PPARGC1A: variants seen among roughly 807,000 people sequenced by gnomAD.
The protein encoded by PPARGC1A is PPARG coactivator 1 alpha.
Under a neutral mutation model 88.7 loss-of-function variants are expected in PPARGC1A, and 25 were observed. The observed-to-expected ratio is 0.28, with a 90% confidence interval of 0.21 to 0.39. The LOEUF (loss-of-function observed/expected upper bound fraction) is 0.39, where lower values mean the gene tolerates loss of function less well. Ranked by LOEUF, PPARGC1A falls within the 10% of genes least tolerant of loss-of-function variation. The probability of loss-of-function intolerance (pLI) is 1.00; values close to 1 mark genes in which losing one functional copy is unlikely to be tolerated. For synonymous variants in PPARGC1A, 363 were observed against 355.6 expected (o/e 1.02, Z -0.24); for missense variants, 880 against 968.7 (o/e 0.91, Z 1.22).
chr4:23,845,692 T>C (rs542601135), intron 2 of PPARGC1A, among the ~76,000 whole-genome samples: 1 of 152,286 alleles, frequency 6.6e-6, no homozygotes, highest in South Asian at 2.1e-4. Context: ...TGACTAACTT[T>C]CGTATTCCAC....
the PPARGC1A span, among the ~76,000 whole-genome samples, chr4:24,100,537 G>A: frequency 6.6e-6 from 1 of 152,264 alleles, no homozygotes; most frequent in East Asian, 1.9e-4. Context: ...AACAGCTGAT[G>A]ACAAGTGCAT....
At chr4:23,831,927 C>T (rs1403341246) in intron 2 of PPARGC1A, among the ~76,000 whole-genome samples, 176 bp from the exon 3 acceptor site, 1 of 152,022 alleles carries the variant, frequency 6.6e-6, no homozygotes, top group Non-Finnish European at 1.5e-5. Context: ...CCAAATGACA[C>T]AATTAATGAA....
intron 2 of PPARGC1A, among the ~76,000 whole-genome samples, chr4:23,878,370 C>T (rs1208962912): frequency 2.7e-5 from 4 of 150,356 alleles, no homozygotes; most frequent in Admixed American, 6.6e-5. Flanking sequence ...AAAAAAGCAG[C>T]CAATTTCATC....
intron 2 of PPARGC1A, among the ~76,000 whole-genome samples, chr4:23,853,127 TAGA>T (rs1367018701): frequency 2.6e-5 from 4 of 152,294 alleles, no homozygotes; most frequent in East Asian, 1.9e-4. Flanking sequence ...TTTTCTATAT[TAGA>T]AGAAGGTTTT....
chr4:24,469,444 G>A, the PPARGC1A span, among the ~76,000 whole-genome samples: 2,581 of 152,196 alleles, frequency 0.017, 35 homozygotes, highest in Middle Eastern at 0.058. Context: ...TTAAAGCTTC[G>A]GTAGCATCTG....
At chr4:24,318,221 C>T in the PPARGC1A span, among the ~76,000 whole-genome samples, 1 of 152,194 alleles carries the variant, frequency 6.6e-6, no homozygotes, top group Admixed American at 6.5e-5. Flanking sequence ...AAGCACTGAG[C>T]TGGCAGGGTA....
rs1031708339 is a variant in PPARGC1A, at chr4:23,890,010, A to G, written c.-53T>C. On this transcript the variant is annotated 5_prime_UTR_variant, in exon 1 of 13. Coordinates refer to ENST00000264867, the MANE Select transcript of PPARGC1A (RefSeq NM_013261.5). ...TTTTTCAACTCCAATCCACAGTGAC[A>G]CAGAGCACACACTCATGCAGGCAAC... is the stretch of plus-strand genomic sequence containing the variant. 13 of 1,610,868 alleles carry G rather than the reference A, an allele frequency of 8.1e-6. No homozygotes were observed. The African/African-American group carries it at 1.5e-4, about 18-fold the overall frequency.
chr4:24,413,191 G>A, the PPARGC1A span, among the ~76,000 whole-genome samples: 3 of 150,770 alleles, frequency 2.0e-5, no homozygotes, highest in African/African-American at 7.3e-5. Context: ...CTAAGATTCA[G>A]ACTGTGTTTT....
upstream of PPARGC1A, chr4:23,890,083 C>T: frequency 6.9e-7 from 1 of 1,449,384 alleles, no homozygotes; most frequent in Non-Finnish European, 9.1e-7. Flanking sequence ...TACTACAGTC[C>T]CCAGTCACAT....
the PPARGC1A span, among the ~76,000 whole-genome samples, chr4:24,165,435 A>T: frequency 6.6e-6 from 1 of 152,198 alleles, no homozygotes; most frequent in African/African-American, 2.4e-5. Context: ...GACATAAGCA[A>T]GATACCAATG....
the PPARGC1A span, among the ~76,000 whole-genome samples, chr4:24,445,517 A>T: frequency 6.6e-6 from 1 of 152,244 alleles, no homozygotes; most frequent in Non-Finnish European, 1.5e-5. Context: ...AAATAATAAC[A>T]ATTTTCATGC....
chr4:24,461,312 T>A, the PPARGC1A span, among the ~76,000 whole-genome samples: 3 of 152,042 alleles, frequency 2.0e-5, no homozygotes, highest in South Asian at 6.3e-4. Flanking sequence ...TGGAGAGGAG[T>A]TCCTACTTCT....
At chr4:24,413,958 A>G in the PPARGC1A span, among the ~76,000 whole-genome samples, 1 of 152,172 alleles carries the variant, frequency 6.6e-6, no homozygotes, top group African/African-American at 2.4e-5. Flanking sequence ...TTTGAAAAGG[A>G]GATTTTGAGA....
At chr4:24,025,764 A>C in the PPARGC1A span, among the ~76,000 whole-genome samples, 2 of 151,936 alleles carry the variant, frequency 1.3e-5, no homozygotes, top group South Asian at 2.1e-4. Flanking sequence ...CGTAATGTTC[A>C]GTGAAGGAGG....
At chr4:23,888,834 T>G (rs1170267861) in intron 1 of PPARGC1A, 1 of 613,742 alleles carries the variant, frequency 1.6e-6, no homozygotes. Flanking sequence ...TCCTCCCCCT[T>G]ACCCTACGTG....
chr4:24,231,938 T>G, the PPARGC1A span, among the ~76,000 whole-genome samples: 1 of 152,206 alleles, frequency 6.6e-6, no homozygotes, highest in African/African-American at 2.4e-5. Context: ...ATTTGGTCAT[T>G]GTTTTTTCCC....
chr4:24,379,781 C>CTT, the PPARGC1A span, among the ~76,000 whole-genome samples: 3,990 of 138,126 alleles, frequency 0.029, 202 homozygotes, highest in African/African-American at 0.099. Flanking sequence ...TATTTAAATT[C>CTT]TTTTTTTTTT....
the PPARGC1A span, among the ~76,000 whole-genome samples, chr4:24,337,854 A>G: frequency 3.3e-5 from 5 of 152,146 alleles, no homozygotes; most frequent in Non-Finnish European, 7.4e-5. Flanking sequence ...AGGTTCCCCC[A>G]AGACTTGAGC....
the PPARGC1A span, among the ~76,000 whole-genome samples, chr4:24,190,359 C>T: frequency 1.3e-5 from 2 of 151,940 alleles, no homozygotes; most frequent in Non-Finnish European, 2.9e-5. Context: ...ACTAAAAATA[C>T]AAAAAATTAG....
Sources: gnomAD v4.1 joint callset for allele counts (sites outside exome capture counted in the v4.1 genomes callset) on GRCh38, gnomAD v4.1.1 for gene constraint, MANE v1.5 for transcripts, NCBI Gene and HGNC (gene_info 2026-07-23, HGNC 2026-07-21) for gene names.